Variants in SEPTIN12 observed in about 807,000 individuals in gnomAD.
The protein encoded by SEPTIN12 is septin 12, also known as septin-12.
SEPTIN12 carries 42 observed loss-of-function variants against 37.7 expected under a neutral mutation model. The ratio of observed to expected loss-of-function variants is 1.11; its 90% CI spans 0.87 to 1.44. The LOEUF (loss-of-function observed/expected upper bound fraction) is 1.44, where lower values mean the gene tolerates loss of function less well. Ranked by LOEUF, SEPTIN12 falls within the 40% of genes most tolerant of loss-of-function variation. The pLI, the probability that SEPTIN12 is intolerant of heterozygous loss-of-function variation, is 0.00. For missense variants in SEPTIN12, 613 were observed against 479.2 expected, an observed-to-expected ratio of 1.28 and a Z score of -2.61; for synonymous variants, 254 against 196.7, an observed-to-expected ratio of 1.29 and a Z score of -2.44.
chr16:4,783,674 T>A lies in SEPTIN12; in HGVS notation c.605A>T (p.Glu202Val). The A allele has an allele frequency of 1.2e-6, 2 of 1,614,076 alleles. No homozygotes were observed. The highest frequency in any genetic ancestry group is 1.7e-6 in the Non-Finnish European group (2 of 1,180,018). The change falls in exon 6 of 10, where the codon GAG becomes GTG. Residue 202 changes from glutamate (E) to valine (V), a missense_variant. By Grantham distance (121) the Glu-to-Val change is moderately radical. Coordinates refer to ENST00000268231, the MANE Select transcript of SEPTIN12 (RefSeq NM_144605.5). The part of the protein sequence containing the change: ...VIARADSLTM[E>V]EREAFRRRIQ... ...CCTGCGCCTGAAGGCCTCTCGCTCC[T>A]CCATGGTCAGGCTGTCGGCCCTGGC...
chr16:4,780,506 C>T (rs961255523), intron 7 of SEPTIN12, among the ~76,000 whole-genome samples: 3 of 152,176 alleles, frequency 2.0e-5, no homozygotes, highest in South Asian at 2.1e-4. Flanking sequence ...AGAGACCCTA[C>T]GGCCCAGAAA....
intron 8 of SEPTIN12, among the ~76,000 whole-genome samples, chr16:4,779,216 C>A (rs941493031): frequency 1.3e-5 from 2 of 151,036 alleles, no homozygotes; most frequent in African/African-American, 4.8e-5. Context: ...CTTTCCCTAG[C>A]TCCCTAAGGC....
At chr16:4,784,619 A>G (rs1036355883) in intron 4 of SEPTIN12, among the ~76,000 whole-genome samples, 3 of 90,778 alleles carry the variant, frequency 3.3e-5, no homozygotes, top group African/African-American at 6.8e-5. Flanking sequence ...AAAATACACA[A>G]ATTAGCTCGG....
At chr16:4,789,909 C>T (rs535765436), upstream of SEPTIN12, 9 of 132,446 alleles carry the variant, frequency 6.8e-5, no homozygotes, top group South Asian at 6.4e-4. Context: ...CCTTTCTTTT[C>T]TTTCTTTTTT....
chr16:4,779,605 C>T (rs2082350463), intron 8 of SEPTIN12, 85 bp downstream of exon 8: 1 of 827,810 alleles, frequency 1.2e-6, no homozygotes, highest in African/African-American at 1.7e-5. Flanking sequence ...TTTCTGTGCC[C>T]TGTGATGGGT....
chr16:4,786,378 G>A (rs2082445967), intron 2 of SEPTIN12, among the ~76,000 whole-genome samples: 2 of 132,196 alleles, frequency 1.5e-5, no homozygotes, highest in East Asian at 2.2e-4. Flanking sequence ...TTTTTGAGAC[G>A]CAGTCTCGCT....
intron 4 of SEPTIN12, among the ~76,000 whole-genome samples, chr16:4,784,827 G>C (rs1345077206): frequency 6.6e-6 from 1 of 151,500 alleles, no homozygotes; most frequent in Non-Finnish European, 1.5e-5. Flanking sequence ...AATGAAACCA[G>C]GGCCAGGTGC....
In SEPTIN12 at chr16:4,787,477, C is replaced by A; in HGVS notation, c.166+3G>T. On this transcript the variant is annotated splice_donor_region_variant and intron_variant, in intron 2 of 9. Transcript: ENST00000268231. Reference sequence around the variant, plus strand: ...CCTGCCGTGGGCCCTACCTCTCACTCACCCACCACCATGATGTTGAACTCA... The same window carrying A: ...CCTGCCGTGGGCCCTACCTCTCACTAACCCACCACCATGATGTTGAACTCA... 6.2e-7 allele frequency: 1 copy of A among 1,612,298 alleles called. No homozygotes were observed. Among genetic ancestry groups the A allele is most frequent in the South Asian group, 1.1e-5 (1 of 91,062 alleles).
In SEPTIN12 at chr16:4,779,769, G is replaced by C. The variant is rs147729577; in HGVS notation, c.744C>G (p.Ala248=). 6.2e-7 allele frequency: 1 copy of C among 1,611,958 alleles called. No individual in the cohort carries two copies. The highest frequency in any genetic ancestry group is 8.5e-7 in the Non-Finnish European group (1 of 1,178,230). Residue 248 remains alanine, a synonymous_variant, in exon 8 of 10, where the codon GCC becomes GCG. Transcript: ENST00000268231. ...GGTGCTCTTGGTCAGCCCCTACCAC[G>C]GCAAAAGGGATTCGGTCCTGGGAAA... is the stretch of plus-strand genomic sequence containing the variant. ...NSKLRDRIPF[A]VVGADQEHLV... is the part of the protein sequence containing the mutation.
intron 2 of SEPTIN12, among the ~76,000 whole-genome samples, chr16:4,786,385 C>G (rs535976413): frequency 6.8e-6 from 1 of 147,766 alleles, no homozygotes; most frequent in East Asian, 2.0e-4. Context: ...GACGCAGTCT[C>G]GCTCTGTCAC....
upstream of SEPTIN12, among the ~76,000 whole-genome samples, chr16:4,791,060 G>C (rs1286181943): frequency 6.6e-6 from 1 of 152,234 alleles, no homozygotes; most frequent in Non-Finnish European, 1.5e-5. Context: ...TTGAGCAGTA[G>C]ACGTACCTCT....
rs1163816651 is a variant in SEPTIN12, at chr16:4,783,095, GAC to G, written c.726+365_726+366del. Among the ~76,000 whole-genome samples, 3 of 151,584 alleles carry G rather than the reference GAC, an allele frequency of 2.0e-5. No individual in the cohort carries two copies. The Admixed American group carries it at 2.0e-4, about 10-fold the overall frequency. ...GCCAATTTTTTGCATTTTTGGCAGA[GAC>G]AAGGTTTCACCATGTTGGCCAGGCT... On this transcript the variant is annotated intron_variant, in intron 7 of 9. Transcript: ENST00000268231.
intron 4 of SEPTIN12, 109 bp from the exon 5 acceptor site, chr16:4,784,177 C>G: frequency 6.0e-6 from 8 of 1,326,856 alleles, no homozygotes; most frequent in Non-Finnish European, 8.5e-6. Flanking sequence ...CGAATCGTCC[C>G]GGTTGGCCCG....
At chr16:4,785,140 C>T (rs929872115) in intron 4 of SEPTIN12, among the ~76,000 whole-genome samples, 5 of 152,006 alleles carry the variant, frequency 3.3e-5, no homozygotes, top group Non-Finnish European at 4.4e-5. Flanking sequence ...ATCCCAGCTA[C>T]TTGGGAGGCT....
intron 5 of SEPTIN12, 79 bp from the exon 6 acceptor site, chr16:4,783,845 G>A (rs1170327492): frequency 1.3e-6 from 2 of 1,599,784 alleles, no homozygotes; most frequent in East Asian, 2.2e-5. Flanking sequence ...GGGGGTGGGG[G>A]CAGCCGGCAG....
chr16:4,779,641 G>T, intron 8 of SEPTIN12, 49 bp downstream of exon 8: 1 of 1,198,608 alleles, frequency 8.3e-7, no homozygotes, highest in Non-Finnish European at 1.2e-6. Context: ...GGCTGCTCTG[G>T]TTTCCAAACT....
chr16:4,781,336 G>A (rs566615121), intron 7 of SEPTIN12, among the ~76,000 whole-genome samples: 2 of 151,694 alleles, frequency 1.3e-5, no homozygotes, highest in Non-Finnish European at 2.9e-5. Flanking sequence ...CGGTACGGGG[G>A]TTTTTAGTAT....
upstream of SEPTIN12, among the ~76,000 whole-genome samples, chr16:4,789,028 T>G (rs1436223223): frequency 6.6e-6 from 1 of 152,230 alleles, no homozygotes; most frequent in Non-Finnish European, 1.5e-5. Context: ...CTTTTTTTGT[T>G]GTTTGTTTTT....
intron 2 of SEPTIN12, 98 bp downstream of exon 2, chr16:4,787,382 G>A (rs878917040): frequency 9.3e-7 from 1 of 1,078,536 alleles, no homozygotes; most frequent in South Asian, 1.3e-5. Flanking sequence ...CCACCTAAGA[G>A]ATGGGGAGGG....
Sources: gnomAD v4.1 joint callset for allele counts (sites outside exome capture counted in the v4.1 genomes callset) on GRCh38, gnomAD v4.1.1 for gene constraint, MANE v1.5 for transcripts, NCBI Gene and HGNC (gene_info 2026-07-23, HGNC 2026-07-21) for gene names.